Variants in THEMIS observed in about 807,000 individuals in gnomAD.
THEMIS encodes the protein protein THEMIS.
In THEMIS, 37 loss-of-function variants were observed where a neutral mutation model predicts 52.6. That is an observed-to-expected ratio of 0.70 (90% CI 0.54 to 0.93). The LOEUF is 0.93. Among genes scored for constraint, THEMIS ranks in the 40% least tolerant of loss-of-function variants. The pLI, the probability that THEMIS is intolerant of heterozygous loss-of-function variation, is 0.00. For synonymous variants in THEMIS, 292 were observed against 272.7 expected (o/e 1.07, Z -0.70); for missense variants, 808 against 763.1 (o/e 1.06, Z -0.69).
intron 4 of THEMIS, among the ~76,000 whole-genome samples, chr6:127,757,030 T>G (rs1315757703): frequency 1.3e-5 from 2 of 152,152 alleles, no homozygotes; most frequent in African/African-American, 2.4e-5. Flanking sequence ...CATAATAAAG[T>G]TTTTCAGTAG....
chr6:127,756,259 A>G (rs898888485), intron 4 of THEMIS, among the ~76,000 whole-genome samples: 2 of 152,190 alleles, frequency 1.3e-5, no homozygotes, highest in Non-Finnish European at 2.9e-5. Flanking sequence ...CACAAATTCA[A>G]CTATAAAATC....
intron 4 of THEMIS, among the ~76,000 whole-genome samples, chr6:127,785,188 T>C (rs902845610): frequency 6.6e-6 from 1 of 151,616 alleles, no homozygotes; most frequent in South Asian, 2.1e-4. Flanking sequence ...ACCTACCTAA[T>C]CTATTATCTA....
chr6:127,774,775 C>G (rs891307236), intron 4 of THEMIS, among the ~76,000 whole-genome samples: 4 of 152,142 alleles, frequency 2.6e-5, no homozygotes, highest in East Asian at 1.9e-4. Context: ...CAGTATTATA[C>G]TTTAAGTTCA....
chr6:127,769,107 C>T (rs1410652180), intron 4 of THEMIS, among the ~76,000 whole-genome samples: 2 of 152,180 alleles, frequency 1.3e-5, no homozygotes, highest in Non-Finnish European at 2.9e-5. Context: ...GAATATGAAA[C>T]ATTAATTATA....
chr6:127,816,376 C>G (rs1481286722), intron 3 of THEMIS, among the ~76,000 whole-genome samples: 1 of 152,056 alleles, frequency 6.6e-6, no homozygotes, highest in Non-Finnish European at 1.5e-5. Flanking sequence ...AAAACATTTT[C>G]CTGAATGCAG....
intron 1 of THEMIS, among the ~76,000 whole-genome samples, chr6:127,907,762 A>T (rs1562334043): frequency 6.6e-6 from 1 of 152,086 alleles, no homozygotes; most frequent in African/African-American, 2.4e-5. Flanking sequence ...TCCCAGTGCC[A>T]TAAATGGCTT....
At position 127,878,450 on chromosome 6, in the gene THEMIS, C is replaced by CAAA. The variant is rs66542329; in HGVS notation, c.91+22389_91+22391dup. The stretch of plus-strand genomic sequence containing the variant: ...ATATAGCTGTTATTATATCTATTTG[C>CAAA]AAAAAAAAAATGCTTTTTACATTTG... On this transcript the variant is annotated intron_variant, in intron 1 of 5. Transcript: ENST00000368248. 2.0e-4 allele frequency among the ~76,000 whole-genome samples: 29 copies of CAAA among 148,184 alleles called. 1 individual carries two copies. The highest frequency in any genetic ancestry group is 4.3e-4 in the South Asian group (2 of 4,672).
At chr6:127,743,724 T>A (rs557769058) in intron 4 of THEMIS, among the ~76,000 whole-genome samples, 1 of 152,228 alleles carries the variant, frequency 6.6e-6, no homozygotes, top group Non-Finnish European at 1.5e-5. Flanking sequence ...AATTCTTTTA[T>A]AAATCTTATC....
chr6:127,806,233 A>G (rs1777704348), intron 4 of THEMIS, among the ~76,000 whole-genome samples: 1 of 152,216 alleles, frequency 6.6e-6, no homozygotes, highest in African/African-American at 2.4e-5. Flanking sequence ...CCAGAAATCT[A>G]GTGCAAAATA....
chr6:127,856,761 C>T (rs1286542714), intron 1 of THEMIS, among the ~76,000 whole-genome samples: 1 of 152,056 alleles, frequency 6.6e-6, no homozygotes, highest in Non-Finnish European at 1.5e-5. Context: ...AACTTTAATG[C>T]TTAATGTTAT....
At chr6:127,720,580 A>G (rs1032200701) in intron 4 of THEMIS, among the ~76,000 whole-genome samples, 1 of 152,006 alleles carries the variant, frequency 6.6e-6, no homozygotes, top group Admixed American at 6.6e-5. Flanking sequence ...ATATGTGAAG[A>G]TTCTCAGCGT....
At chr6:127,910,495 T>C (rs891224244) in intron 1 of THEMIS, among the ~76,000 whole-genome samples, 14 of 152,186 alleles carry the variant, frequency 9.2e-5, no homozygotes, top group African/African-American at 3.1e-4. Flanking sequence ...CAACGTTATT[T>C]CCAGAATAAA....
chr6:127,886,754 C>G (rs1362042272), intron 1 of THEMIS, among the ~76,000 whole-genome samples: 1 of 152,128 alleles, frequency 6.6e-6, no homozygotes, highest in Non-Finnish European at 1.5e-5. Flanking sequence ...GTCCATATGT[C>G]TCCACTGGGA....
intron 4 of THEMIS, among the ~76,000 whole-genome samples, chr6:127,797,144 C>T (rs1325351664): frequency 6.6e-6 from 1 of 152,222 alleles, no homozygotes; most frequent in Non-Finnish European, 1.5e-5. Flanking sequence ...GTGCACTAAC[C>T]TTTCTTTTTT....
At chr6:127,905,848 C>A (rs1781256094), upstream of THEMIS, among the ~76,000 whole-genome samples, 1 of 150,790 alleles carries the variant, frequency 6.6e-6, no homozygotes, top group African/African-American at 2.4e-5. Flanking sequence ...ATTAATTAAT[C>A]CAAAAAAGAC....
upstream of THEMIS, among the ~76,000 whole-genome samples, chr6:127,903,572 T>G (rs1450011671): frequency 1.1e-4 from 16 of 151,876 alleles, no homozygotes; most frequent in Non-Finnish European, 1.0e-4. Flanking sequence ...ATTTTAAAAT[T>G]AAATTTAAAT....
chr6:127,743,320 C>T (rs1219968642), intron 4 of THEMIS, among the ~76,000 whole-genome samples: 1 of 152,132 alleles, frequency 6.6e-6, no homozygotes, highest in African/African-American at 2.4e-5. Flanking sequence ...AGGAAAATGC[C>T]ATCACCCTCA....
At chr6:127,834,787 A>G (rs1307726817) in intron 2 of THEMIS, among the ~76,000 whole-genome samples, 2 of 152,144 alleles carry the variant, frequency 1.3e-5, no homozygotes. Flanking sequence ...GAAAGGAGTG[A>G]CTGCAAAACC....
chr6:127,710,577 G>A (rs1311548787), intron 5 of THEMIS, among the ~76,000 whole-genome samples: 6 of 151,970 alleles, frequency 3.9e-5, no homozygotes, highest in Non-Finnish European at 8.8e-5. Flanking sequence ...TCCAGCATAA[G>A]CTGTACTATC....
Sources: allele counts gnomAD v4.1 joint callset (sites outside exome capture counted in the v4.1 genomes callset), GRCh38; gene constraint gnomAD v4.1.1; transcripts MANE v1.5; gene names NCBI Gene and HGNC (gene_info 2026-07-23, HGNC 2026-07-21).